The following IRAK4 variants were observed in gnomAD, a reference collection of about 807,000 sequenced individuals.
IRAK4 encodes interleukin-1 receptor-associated kinase 4.
Under a neutral mutation model 51.8 loss-of-function variants are expected in IRAK4, and 44 were observed. The observed-to-expected ratio is 0.85, with a 90% confidence interval of 0.67 to 1.09. The LOEUF is 1.09. Among genes scored for constraint, IRAK4 ranks in the 50% least tolerant of loss-of-function variants. The pLI is 0.00. For missense variants in IRAK4, 487 were observed against 538.0 expected, an observed-to-expected ratio of 0.91 and a Z score of 0.94; for synonymous variants, 149 against 174.1, an observed-to-expected ratio of 0.86 and a Z score of 1.13.
intron 5 of IRAK4, among the ~76,000 whole-genome samples, chr12:43,773,323 G>A (rs1940968314): frequency 6.6e-6 from 1 of 152,100 alleles, no homozygotes. Context: ...AACTAAAGTT[G>A]AGAAGCCCTG....
At chr12:43,773,100 A>G (rs929228925) in intron 5 of IRAK4, 28 bp downstream of exon 5, 4 of 1,602,650 alleles carry the variant, frequency 2.5e-6, no homozygotes, top group African/African-American at 2.7e-5. Context: ...GAATAAAAAG[A>G]AAGAGTTGCT....
At chr12:43,785,425 CAGGGTCCAAAAGTTGGAATT>C (rs1257174824) in intron 10 of IRAK4, among the ~76,000 whole-genome samples, 1 of 151,698 alleles carries the variant, frequency 6.6e-6, no homozygotes, top group Non-Finnish European at 1.5e-5. Context: ...GAGGAGGAGT[CAGGGTCCAAAAGTTGGAATT>C]GCGCTATTAG....
chr12:43,759,019 A>G lies in IRAK4; in HGVS notation c.-10+3A>G, dbSNP rs1227303383. 6.6e-6 allele frequency: 1 copy of G among 152,060 alleles called. No homozygotes were observed. Among genetic ancestry groups the G allele is most frequent in the Non-Finnish European group, 1.5e-5 (1 of 68,028 alleles). The allele number at this position is 152,060 out of a possible 1,614,324, so 9.4% of individuals were successfully genotyped here. A position where few individuals can be genotyped will look rare whatever the true frequency, so the allele number is the denominator to read the frequency against. ...TTCAGCAGCCCGCGCCCGGGCAGGT[A>G]AGGCATTCCCCGCCTTAATGCCTCG... On this transcript the variant is annotated splice_donor_region_variant and intron_variant, in intron 1 of 11. Coordinates refer to ENST00000613694, the MANE Select transcript of IRAK4 (RefSeq NM_016123.4).
intron 8 of IRAK4, among the ~76,000 whole-genome samples, chr12:43,780,817 C>T (rs1281674997): frequency 4.6e-5 from 7 of 152,092 alleles, no homozygotes; most frequent in South Asian, 2.1e-4. Context: ...GTGATCCGCC[C>T]GCCTTGGCCT....
intron 1 of IRAK4, among the ~76,000 whole-genome samples, chr12:43,760,726 G>GTGACTA (rs1406244180): frequency 2.0e-5 from 3 of 152,156 alleles, no homozygotes; most frequent in Non-Finnish European, 4.4e-5. Flanking sequence ...GAGGCTTCCT[G>GTGACTA]TGACTACCAT....
intron 4 of IRAK4, 139 bp downstream of exon 4, chr12:43,772,501 T>C: frequency 1.3e-6 from 1 of 760,046 alleles, no homozygotes. Flanking sequence ...TGTTTCCTCC[T>C]GATATATTAA....
intron 1 of IRAK4, among the ~76,000 whole-genome samples, chr12:43,764,420 A>G (rs1939902815): frequency 6.6e-6 from 1 of 152,204 alleles, no homozygotes; most frequent in Non-Finnish European, 1.5e-5. Flanking sequence ...CAAGACTCCA[A>G]AAACAAAAAC....
rs377272035 is a variant in IRAK4 at position 43,778,163 on chromosome 12, C to A, written c.832-30C>A. On this transcript the variant is annotated intron_variant, in intron 7 of 11. Transcript: ENST00000613694. ...CTGTAGATTTTTTATTATTCTTTCT[C>A]ATTTTTAATTTGGTTTATTTCTTTA... The A allele has an allele frequency of 2.8e-5, 35 of 1,261,762 alleles. 1 individual carries two copies. The African/African-American group carries it at 4.7e-4, about 17-fold the overall frequency. 78.2% of individuals were successfully genotyped at this position (1,261,762 alleles called of 1,614,324 possible). A position where few individuals can be genotyped will look rare whatever the true frequency, so the allele number is the denominator to read the frequency against.
intron 1 of IRAK4, among the ~76,000 whole-genome samples, chr12:43,760,752 C>A (rs1327726882): frequency 6.6e-6 from 1 of 152,174 alleles, no homozygotes; most frequent in South Asian, 2.1e-4. Context: ...TAATTACAAC[C>A]TTTTCTCTAT....
At chr12:43,767,656 C>G (rs1046447220) in intron 1 of IRAK4, among the ~76,000 whole-genome samples, 29 of 151,604 alleles carry the variant, frequency 1.9e-4, no homozygotes, top group Non-Finnish European at 3.5e-4. Context: ...TTACTTCTAC[C>G]AAAGAATGTT....
rs925111508 is a variant in IRAK4 at position 43,788,328 on chromosome 12, A to G, written c.*1613A>G. On this transcript the variant is annotated 3_prime_UTR_variant, in exon 12 of 12. Coordinates refer to ENST00000613694, the MANE Select transcript of IRAK4 (RefSeq NM_016123.4). ...GACACTGCCTAGTAGAGCTATGGGA[A>G]GGGTGCTGCCACCCTCCAGACTTGA... is the stretch of plus-strand genomic sequence containing the variant. 1 of 152,184 alleles carries G rather than the reference A, an allele frequency of 6.6e-6. No individual in the cohort carries two copies. Among genetic ancestry groups the G allele is most frequent in the African/African-American group, 2.4e-5 (1 of 41,412 alleles). 9.4% of individuals were successfully genotyped at this position (152,184 alleles called of 1,614,324 possible). A position where few individuals can be genotyped will look rare whatever the true frequency, so the allele number is the denominator to read the frequency against.
At chr12:43,780,981 C>T (rs1160933446) in intron 8 of IRAK4, among the ~76,000 whole-genome samples, 2 of 152,102 alleles carry the variant, frequency 1.3e-5, no homozygotes, top group African/African-American at 4.8e-5. Context: ...TTTAGTATCC[C>T]CGTACCAAAA....
intron 1 of IRAK4, among the ~76,000 whole-genome samples, chr12:43,765,795 C>G (rs748984336): frequency 1.3e-5 from 2 of 150,898 alleles, no homozygotes; most frequent in African/African-American, 4.9e-5. Context: ...GGTATGAAGG[C>G]TCCTAGATAG....
At position 43,783,714 on chromosome 12, in the gene IRAK4, C is replaced by T. The variant is rs1005253209; in HGVS notation, c.1178C>T (p.Pro393Leu). The change falls in exon 10 of 12, where the codon CCT (proline) becomes CTT (leucine). Residue 393 changes from proline to leucine, a missense_variant. Transcript: ENST00000613694. ...GLPAVDEHRE[P>L]QLLLDIKEEI... is the part of the protein sequence containing the mutation. ...CCAGCTGTGGATGAACACCGTGAAC[C>T]TCAGTTATTGGTAAATGAAATATTC... 6.2e-7 allele frequency: 1 copy of T among 1,602,484 alleles called. No individual in the cohort carries two copies. The highest frequency in any genetic ancestry group is 1.3e-5 in the African/African-American group (1 of 74,706).
intron 8 of IRAK4, among the ~76,000 whole-genome samples, chr12:43,779,526 CA>C (rs1941590347): frequency 6.6e-6 from 1 of 152,136 alleles, no homozygotes; most frequent in South Asian, 2.1e-4. Context: ...AGTAGGCTAT[CA>C]TAGGTGGCAG....
chr12:43,781,301 C>G (rs1365105964), intron 8 of IRAK4, among the ~76,000 whole-genome samples: 3 of 152,222 alleles, frequency 2.0e-5, no homozygotes, highest in Non-Finnish European at 4.4e-5. Context: ...CAGTTCTCAT[C>G]TATTCACTAC....
chr12:43,771,281 G>T lies in IRAK4; in HGVS notation c.223G>T (p.Gly75Cys). ...SPTSELLFDWGTTNCTVGDLV... is the reference protein window; with the variant it reads ...SPTSELLFDWCTTNCTVGDLV... ...CACTTCTGAATTACTGTTTGACTGG[G>T]GCACCACAAATTGCACAGTTGGTGA... Residue 75 changes from glycine to cysteine, a missense_variant, in exon 3 of 12, where the codon GGC becomes TGC. By Grantham distance (159) the Gly-to-Cys change is radical. Transcript: ENST00000613694. 6.2e-7 allele frequency: 1 copy of T among 1,613,776 alleles called. No individual in the cohort carries two copies. Among genetic ancestry groups the T allele is most frequent in the Non-Finnish European group, 8.5e-7 (1 of 1,179,764 alleles).
intron 6 of IRAK4, among the ~76,000 whole-genome samples, chr12:43,775,055 T>C (rs1299989281): frequency 6.6e-6 from 1 of 152,206 alleles, no homozygotes; most frequent in South Asian, 2.1e-4. Context: ...GCCTGAACTT[T>C]AGATCTGAAT....
At chr12:43,777,583 A>C in intron 6 of IRAK4, 47 bp from the exon 7 acceptor site, 1 of 1,529,924 alleles carries the variant, frequency 6.5e-7, no homozygotes, top group Non-Finnish European at 8.9e-7. Flanking sequence ...CTATAGCTGA[A>C]TATATATTTA....
Sources: allele counts gnomAD v4.1 joint callset (sites outside exome capture counted in the v4.1 genomes callset), GRCh38; gene constraint gnomAD v4.1.1; transcripts MANE v1.5; gene names NCBI Gene and HGNC (gene_info 2026-07-23, HGNC 2026-07-21).